Variants in IQSEC1 observed in about 807,000 individuals in gnomAD.
IQSEC1 encodes IQ motif and SEC7 domain-containing protein 1.
IQSEC1 carries 31 observed loss-of-function variants against 91.0 expected under a neutral mutation model. That is an observed-to-expected ratio of 0.34 (90% CI 0.26 to 0.46). IQSEC1 has a LOEUF of 0.46. IQSEC1 is among the 20% of genes least tolerant of loss of function. The pLI, the probability that IQSEC1 is intolerant of heterozygous loss-of-function variation, is 1.00. For synonymous variants in IQSEC1, 699 were observed against 662.6 expected, an observed-to-expected ratio of 1.05 and a Z score of -0.84; for missense variants, 1,388 against 1,575.6, an observed-to-expected ratio of 0.88 and a Z score of 2.02.
intron 6 of IQSEC1, among the ~76,000 whole-genome samples, chr3:12,919,633 T>G (rs1696426317): frequency 1.3e-5 from 2 of 152,256 alleles, no homozygotes; most frequent in Admixed American, 1.3e-4. Context: ...ACACTGGCTC[T>G]TCTTTGCTGT....
chr3:12,945,208 G>A (rs1300992207), intron 1 of IQSEC1, among the ~76,000 whole-genome samples: 1 of 152,160 alleles, frequency 6.6e-6, no homozygotes, highest in African/African-American at 2.4e-5. Flanking sequence ...TATCTTTGGG[G>A]ATAGGATTGC....
chr3:13,059,783 G>A (rs952844040), intron 1 of IQSEC1, among the ~76,000 whole-genome samples: 2 of 151,868 alleles, frequency 1.3e-5, no homozygotes, highest in Non-Finnish European at 2.9e-5. Context: ...AGGAGGGAAG[G>A]AAAAGAGAAA....
chr3:13,015,637 CG>C, intron 1 of IQSEC1: 1 of 985,316 alleles, frequency 1.0e-6, no homozygotes, highest in Non-Finnish European at 1.2e-6. Context: ...CCTGCCTCTG[CG>C]GCCCCGGGGG....
intron 2 of IQSEC1, among the ~76,000 whole-genome samples, chr3:13,152,690 G>A (rs959618057): frequency 1.3e-5 from 2 of 152,146 alleles, no homozygotes; most frequent in Non-Finnish European, 2.9e-5. Flanking sequence ...GGCCAACATC[G>A]TGAAACCCTG....
chr3:13,071,153 G>GTTTTTTTTTTTTTTT (rs796412810), intron 1 of IQSEC1, among the ~76,000 whole-genome samples: 2 of 90,974 alleles, frequency 2.2e-5, no homozygotes, highest in Non-Finnish European at 2.3e-5. Context: ...GTTTTTTTTT[G>GTTTTTTTTTTTTTTT]TTTTTTTTTT....
rs73813524 is a variant in IQSEC1 at position 13,254,202 on chromosome 3, G to A, written c.272+28509C>T. On this transcript the variant is annotated intron_variant, in intron 1 of 15. Coordinates refer to the IQSEC1 transcript ENST00000648114. ...TGAGATGCTCCACCCACATCGGCGTGCAGCCTGGCCTTGGTTTGATTGCAG... is the reference window on the plus strand; with the variant it reads ...TGAGATGCTCCACCCACATCGGCGTACAGCCTGGCCTTGGTTTGATTGCAG... Among the ~76,000 whole-genome samples, 523 of 152,348 alleles carry A rather than the reference G, an allele frequency of 3.4e-3. 2 individuals carry two copies. Among genetic ancestry groups the A allele is most frequent in the African/African-American group, 0.012 (499 of 41,584 alleles).
intron 8 of IQSEC1, among the ~76,000 whole-genome samples, chr3:12,914,846 C>T (rs1695919342): frequency 6.6e-6 from 1 of 152,016 alleles, no homozygotes; most frequent in South Asian, 2.1e-4. Context: ...GGGTCTGTTT[C>T]AGGCGCAGGG....
At chr3:13,078,442 G>A (rs1342890601) in intron 2 of IQSEC1, among the ~76,000 whole-genome samples, 1 of 152,170 alleles carries the variant, frequency 6.6e-6, no homozygotes, top group African/African-American at 2.4e-5. Flanking sequence ...CGCACCCAAC[G>A]GCTGCCATAC....
intron 1 of IQSEC1, among the ~76,000 whole-genome samples, chr3:13,011,995 C>A (rs1422448993): frequency 6.6e-6 from 1 of 152,182 alleles, no homozygotes; most frequent in Non-Finnish European, 1.5e-5. Flanking sequence ...GAACCTGTGG[C>A]TCATCCTCTG....
At chr3:13,221,694 C>T (rs910721829) in intron 1 of IQSEC1, among the ~76,000 whole-genome samples, 1 of 152,276 alleles carries the variant, frequency 6.6e-6, no homozygotes, top group African/African-American at 2.4e-5. Context: ...TCCATCCCTC[C>T]AATGGGGCAG....
intron 1 of IQSEC1, among the ~76,000 whole-genome samples, chr3:13,004,541 C>T (rs1702553419): frequency 6.6e-6 from 1 of 152,188 alleles, no homozygotes; most frequent in African/African-American, 2.4e-5. Flanking sequence ...CTCCCTCCTC[C>T]CTCTCCTTGG....
intron 1 of IQSEC1, among the ~76,000 whole-genome samples, chr3:12,945,638 G>A (rs966387336): frequency 2.6e-5 from 4 of 152,000 alleles, no homozygotes; most frequent in South Asian, 2.1e-4. Context: ...TTCAGCAAAC[G>A]TGGACAAAAG....
upstream of IQSEC1, among the ~76,000 whole-genome samples, chr3:13,074,493 A>G (rs1364567793): frequency 2.6e-5 from 4 of 152,102 alleles, no homozygotes; most frequent in African/African-American, 9.7e-5. Context: ...GGAATCCCAG[A>G]CCTATCTCAG....
chr3:13,076,455 G>A (rs533767567), upstream of IQSEC1, among the ~76,000 whole-genome samples: 87 of 152,280 alleles, frequency 5.7e-4, no homozygotes, highest in Non-Finnish European at 1.0e-3. Context: ...CCTGCAGATC[G>A]GCTCACTCCT....
chr3:13,035,604 G>C (rs1346756693), intron 1 of IQSEC1, among the ~76,000 whole-genome samples: 1 of 152,212 alleles, frequency 6.6e-6, no homozygotes, highest in Admixed American at 6.5e-5. Context: ...ACCCCAGGAT[G>C]CTGAGGGTTA....
At chr3:12,989,348 T>A (rs1426929176) in intron 1 of IQSEC1, among the ~76,000 whole-genome samples, 1 of 152,120 alleles carries the variant, frequency 6.6e-6, no homozygotes, top group Non-Finnish European at 1.5e-5. Flanking sequence ...ATCCTAGAAA[T>A]CCCTGGTGGC....
At chr3:13,210,596 T>G (rs1317081882) in intron 1 of IQSEC1, among the ~76,000 whole-genome samples, 1 of 152,178 alleles carries the variant, frequency 6.6e-6, no homozygotes, top group Non-Finnish European at 1.5e-5. Flanking sequence ...TATCCCAATC[T>G]ACGCAGATAA....
intron 1 of IQSEC1, among the ~76,000 whole-genome samples, chr3:13,053,389 G>A (rs1704763883): frequency 1.3e-5 from 2 of 152,350 alleles, no homozygotes; most frequent in Non-Finnish European, 2.9e-5. Context: ...ATTCGCTGCT[G>A]TAAGAATTAT....
chr3:13,119,224 G>T (rs1002127711), intron 2 of IQSEC1, among the ~76,000 whole-genome samples: 7 of 152,120 alleles, frequency 4.6e-5, no homozygotes, highest in Non-Finnish European at 1.5e-5. Flanking sequence ...TAAATAATAA[G>T]AATTTAAAAA....
Sources: gnomAD v4.1 joint callset for allele counts (sites outside exome capture counted in the v4.1 genomes callset) on GRCh38, gnomAD v4.1.1 for gene constraint, MANE v1.5 for transcripts, NCBI Gene and HGNC (gene_info 2026-07-23, HGNC 2026-07-21) for gene names.